H2AC15: variants seen among roughly 807,000 people sequenced by gnomAD.
The protein encoded by H2AC15 is histone H2A type 1.
In H2AC15, 7 loss-of-function variants were observed where a neutral mutation model predicts 7.8. The ratio of observed to expected loss-of-function variants is 0.90; its 90% CI spans 0.51 to 1.69. The LOEUF is 1.69. Among genes scored for constraint, H2AC15 ranks in the 40% most tolerant of loss-of-function variants. H2AC15 has a pLI of 0.00. For missense variants in H2AC15, 234 were observed against 174.7 expected (o/e 1.34, Z -1.91); for synonymous variants, 125 against 79.3 (o/e 1.58, Z -3.06).
In H2AC15 at chr6:27,837,919, G is replaced by C; in HGVS notation, c.*28C>G. On this transcript the variant is annotated 3_prime_UTR_variant, in exon 1 of 1. Transcript: ENST00000618958. ...AAGAACCTTTTTGGTTTGGACCGAG[G>C]TATGAGTAATGAACTGCTCCAGCCC... 6.2e-7 allele frequency: 1 copy of C among 1,610,308 alleles called. No individual in the cohort carries two copies. The highest frequency in any genetic ancestry group is 8.5e-7 in the Non-Finnish European group (1 of 1,177,520).
chr6:27,838,103 G>T lies in H2AC15; in HGVS notation c.237C>A (p.Ile79=). 1 of 1,614,190 alleles carries T rather than the reference G, an allele frequency of 6.2e-7. No homozygotes were observed. The highest frequency in any genetic ancestry group is 8.5e-7 in the Non-Finnish European group (1 of 1,180,038). Residue 79 remains isoleucine, a synonymous_variant, in exon 1 of 1, where the codon ATC becomes ATA. Transcript: ENST00000618958. The part of the protein sequence containing the change: ...NAARDNKKTR[I]IPRHLQLAIR... ...TGGCCAGCTGCAAGTGGCGCGGGAT[G>T]ATGCGGGTCTTCTTGTTGTCGCGGG...
At position 27,838,078 on chromosome 6, in the gene H2AC15, T is replaced by C. The variant is rs551039045; in HGVS notation, c.262A>G (p.Ile88Val). 3 of 1,614,228 alleles carry C rather than the reference T, an allele frequency of 1.9e-6. No homozygotes were observed. The African/African-American group carries it at 4.0e-5, about 22-fold the overall frequency. ...TTGTTGAGCTCCTCGTCGTTGCGGATGGCCAGCTGCAAGTGGCGCGGGATG... is the reference window on the plus strand; with the variant it reads ...TTGTTGAGCTCCTCGTCGTTGCGGACGGCCAGCTGCAAGTGGCGCGGGATG... ...RIIPRHLQLA[I>V]RNDEELNKLL... is the part of the protein sequence containing the mutation. Residue 88 changes from isoleucine to valine, a missense_variant, in exon 1 of 1, where the codon ATC becomes GTC. Coordinates refer to ENST00000618958, the MANE Select transcript of H2AC15 (RefSeq NM_003510.3).
rs1761061897 is a variant in H2AC15, at chr6:27,838,060, G to A, written c.280C>T (p.Leu94Phe). Residue 94 changes from leucine (L) to phenylalanine (F), a missense_variant, in exon 1 of 1, where the codon CTC becomes TTC. Transcript: ENST00000618958. The part of the protein sequence containing the change: ...LQLAIRNDEE[L>F]NKLLGKVTIA... ...GTCACTTTACCAAGCAGCTTGTTGA[G>A]CTCCTCGTCGTTGCGGATGGCCAGC... is the stretch of plus-strand genomic sequence containing the variant. The A allele has an allele frequency of 6.2e-7, 1 of 1,614,088 alleles. No individual in the cohort carries two copies. Among genetic ancestry groups the A allele is most frequent in the African/African-American group, 1.3e-5 (1 of 74,932 alleles).
In H2AC15 at chr6:27,837,988, G is replaced by C; in HGVS notation, c.352C>G (p.Pro118Ala). 1 of 1,614,220 alleles carries C rather than the reference G, an allele frequency of 6.2e-7. No homozygotes were observed. The highest frequency in any genetic ancestry group is 8.5e-7 in the Non-Finnish European group (1 of 1,180,038). Residue 118 changes from proline (P) to alanine (A), a missense_variant, in exon 1 of 1, where the codon CCT becomes GCT. Physicochemically the swap from Pro to Ala is conservative, Grantham distance 27 (BLOSUM62 -1). Coordinates refer to ENST00000618958, the MANE Select transcript of H2AC15 (RefSeq NM_003510.3). Reference protein sequence around the residue: ...VLPNIQAVLLPKKTESHHKAK... With the variant: ...VLPNIQAVLLAKKTESHHKAK... ...TTGTGGTGGCTCTCAGTTTTCTTAGGCAGCAGCACGGCCTGGATATTGGGC... is the reference window on the plus strand; with the variant it reads ...TTGTGGTGGCTCTCAGTTTTCTTAGCCAGCAGCACGGCCTGGATATTGGGC...
rs781765469 is a variant in H2AC15 at position 27,838,354 on chromosome 6, A to G, written c.-15T>C. The G allele has an allele frequency of 1.3e-6, 2 of 1,565,140 alleles. No homozygotes were observed. Among genetic ancestry groups the G allele is most frequent in the Non-Finnish European group, 1.7e-6 (2 of 1,156,018 alleles). ...CGTCCCGACATGACGTAAAAAATTC[A>G]ATCAGTAACGTTCCTGAGACTGACG... On this transcript the variant is annotated 5_prime_UTR_variant, in exon 1 of 1. Coordinates refer to ENST00000618958, the MANE Select transcript of H2AC15 (RefSeq NM_003510.3).
In H2AC15 at chr6:27,838,100, G is replaced by C. The variant is rs754461130; in HGVS notation, c.240C>G (p.Ile80Met). 2.0e-5 allele frequency: 33 copies of C among 1,614,084 alleles called. No homozygotes were observed. The highest frequency in any genetic ancestry group is 2.5e-5 in the Non-Finnish European group (30 of 1,180,060). The change falls in exon 1 of 1, where the codon ATC becomes ATG. Residue 80 changes from isoleucine to methionine, a missense_variant. Coordinates refer to ENST00000618958, the MANE Select transcript of H2AC15 (RefSeq NM_003510.3). The stretch of plus-strand genomic sequence containing the variant: ...GGATGGCCAGCTGCAAGTGGCGCGG[G>C]ATGATGCGGGTCTTCTTGTTGTCGC... ...AARDNKKTRI[I>M]PRHLQLAIRN...
In H2AC15 at chr6:27,838,351, T is replaced by C. The variant is rs990841304; in HGVS notation, c.-12A>G. On this transcript the variant is annotated 5_prime_UTR_variant, in exon 1 of 1. Coordinates refer to ENST00000618958, the MANE Select transcript of H2AC15 (RefSeq NM_003510.3). ...CCACGTCCCGACATGACGTAAAAAA[T>C]TCAATCAGTAACGTTCCTGAGACTG... 3.1e-5 allele frequency: 49 copies of C among 1,566,944 alleles called. No individual in the cohort carries two copies. The highest frequency in any genetic ancestry group is 9.5e-5 in the African/African-American group (7 of 73,454).
rs1462658081 is a variant in H2AC15 at position 27,838,369 on chromosome 6, T to C, written c.-30A>G. The C allele has an allele frequency of 1.3e-6, 2 of 1,551,556 alleles. No individual in the cohort carries two copies. The highest frequency in any genetic ancestry group is 2.0e-5 in the Admixed American group (1 of 50,722). ...TAAAAAATTCAATCAGTAACGTTCC[T>C]GAGACTGACGTAACGCTAAAGCTCC... On this transcript the variant is annotated 5_prime_UTR_variant, in exon 1 of 1. Transcript: ENST00000618958.
rs368785047 is a variant in H2AC15, at chr6:27,838,148, C to T, written c.192G>A (p.Leu64=). Reference sequence around the variant, plus strand: ...CGCGGGCCGCGTTGCCAGCCAGTTCCAGGATCTCGGCGGTTAGGTACTCCA... The same window carrying T: ...CGCGGGCCGCGTTGCCAGCCAGTTCTAGGATCTCGGCGGTTAGGTACTCCA... ...AVLEYLTAEI[L]ELAGNAARDN... Residue 64 remains leucine, a synonymous_variant, in exon 1 of 1, where the codon CTG becomes CTA. Coordinates refer to ENST00000618958, the MANE Select transcript of H2AC15 (RefSeq NM_003510.3). The T allele has an allele frequency of 9.3e-6, 15 of 1,614,050 alleles. No individual in the cohort carries two copies. The African/African-American group carries it at 1.7e-4, about 19-fold the overall frequency.
In H2AC15 at chr6:27,838,142, C is replaced by A; in HGVS notation, c.198G>T (p.Leu66=). ...LEYLTAEILE[L]AGNAARDNKK... ...TGTTGTCGCGGGCCGCGTTGCCAGC[C>A]AGTTCCAGGATCTCGGCGGTTAGGT... The change falls in exon 1 of 1, where the codon CTG becomes CTT. Residue 66 remains leucine, a synonymous_variant. Transcript: ENST00000618958. 2 of 1,614,194 alleles carry A rather than the reference C, an allele frequency of 1.2e-6. No homozygotes were observed. The highest frequency in any genetic ancestry group is 1.7e-6 in the Non-Finnish European group (2 of 1,180,034).
rs1299434685 is a variant in H2AC15 at position 27,838,168 on chromosome 6, A to C, written c.172T>G (p.Tyr58Asp). 6.2e-7 allele frequency: 1 copy of C among 1,613,846 alleles called. No homozygotes were observed. Among genetic ancestry groups the C allele is most frequent in the Non-Finnish European group, 8.5e-7 (1 of 1,179,948 alleles). ...AGTTCCAGGATCTCGGCGGTTAGGT[A>C]CTCCAACACCGCCGCCAGGTACACC... Reference protein sequence around the residue: ...APVYLAAVLEYLTAEILELAG... With the variant: ...APVYLAAVLEDLTAEILELAG... The change falls in exon 1 of 1, where the codon TAC (tyrosine) becomes GAC (aspartate). Residue 58 changes from tyrosine to aspartate, a missense_variant. Tyr to Asp is a radical substitution (Grantham distance 160). Transcript: ENST00000618958.
rs751966129 is a variant in H2AC15, at chr6:27,838,252, G to C, written c.88C>G (p.Arg30Gly). ...SRAGLQFPVG[R>G]VHRLLRKGNY... ...CCCTTGCGGAGCAGTCGGTGCACTC[G>C]GCCCACTGGGAACTGAAGACCCGCC... The change falls in exon 1 of 1, where the codon CGA becomes GGA. Residue 30 changes from arginine (R) to glycine (G), a missense_variant. Arg to Gly is a moderately radical substitution (Grantham distance 125, BLOSUM62 -2). Transcript: ENST00000618958. 1 of 1,613,720 alleles carries C rather than the reference G, an allele frequency of 6.2e-7. No individual in the cohort carries two copies. The highest frequency in any genetic ancestry group is 1.3e-5 in the African/African-American group (1 of 74,862).
At position 27,838,314 on chromosome 6, in the gene H2AC15, C is replaced by G. The variant is rs1295730368; in HGVS notation, c.26G>C (p.Gly9Ala). 2.5e-6 allele frequency: 4 copies of G among 1,593,788 alleles called. No homozygotes were observed. Among genetic ancestry groups the G allele is most frequent in the Non-Finnish European group, 3.4e-6 (4 of 1,168,502 alleles). The change falls in exon 1 of 1, where the codon GGC becomes GCC. Residue 9 changes from glycine (G) to alanine (A), a missense_variant. Transcript: ENST00000618958. ...GGTCTTAGCCTTGGCGCGAGCTTTG[C>G]CGCCCTGCTTGCCACGTCCCGACAT... Reference protein sequence around the residue: MSGRGKQGGKARAKAKTRS... With the variant: MSGRGKQGAKARAKAKTRS...
chr6:27,838,280 T>C lies in H2AC15; in HGVS notation c.60A>G (p.Ser20=), dbSNP rs1761072711. ...KARAKAKTRS[S]RAGLQFPVGR... is the part of the protein sequence containing the mutation. ...CCACTGGGAACTGAAGACCCGCCCT[T>C]GAAGAACGGGTCTTAGCCTTGGCGC... Residue 20 remains serine (S), a synonymous_variant, in exon 1 of 1, where the codon TCA becomes TCG. Transcript: ENST00000618958. 6.2e-7 allele frequency: 1 copy of C among 1,612,406 alleles called. No individual in the cohort carries two copies. The highest frequency in any genetic ancestry group is 1.3e-5 in the African/African-American group (1 of 74,854).
rs758513815 is a variant in H2AC15 at position 27,838,349 on chromosome 6, A to C, written c.-10T>G. ...TGCCACGTCCCGACATGACGTAAAA[A>C]ATTCAATCAGTAACGTTCCTGAGAC... On this transcript the variant is annotated 5_prime_UTR_variant, in exon 1 of 1. It adds an upstream start codon to the 5' untranslated region. Coordinates refer to ENST00000618958, the MANE Select transcript of H2AC15 (RefSeq NM_003510.3). The C allele has an allele frequency of 6.4e-7, 1 of 1,568,446 alleles. No homozygotes were observed. Among genetic ancestry groups the C allele is most frequent in the Non-Finnish European group, 8.6e-7 (1 of 1,157,506 alleles).
chr6:27,838,063 C>T lies in H2AC15; in HGVS notation c.277G>A (p.Glu93Lys). The T allele has an allele frequency of 1.9e-6, 3 of 1,614,216 alleles. No individual in the cohort carries two copies. The highest frequency in any genetic ancestry group is 2.2e-5 in the East Asian group (1 of 44,882). The change falls in exon 1 of 1, where the codon GAG (glutamate) becomes AAG (lysine). Residue 93 changes from glutamate (E) to lysine (K), a missense_variant. Transcript: ENST00000618958. ...HLQLAIRNDE[E>K]LNKLLGKVTI... is the part of the protein sequence containing the mutation. The stretch of plus-strand genomic sequence containing the variant: ...ACTTTACCAAGCAGCTTGTTGAGCT[C>T]CTCGTCGTTGCGGATGGCCAGCTGC...
chr6:27,838,218 G>A lies in H2AC15; in HGVS notation c.122C>T (p.Ala41Val), dbSNP rs1761070880. The A allele has an allele frequency of 2.5e-6, 4 of 1,613,932 alleles. No homozygotes were observed. In the African/African-American group the frequency reaches 4.0e-5, roughly 16 times the overall value. Residue 41 changes from alanine (A) to valine (V), a missense_variant, in exon 1 of 1, where the codon GCT becomes GTT. Transcript: ENST00000618958. ...VHRLLRKGNY[A>V]ERVGAGAPVY... is the part of the protein sequence containing the mutation. ...CGGCGCTCCGGCACCGACCCGCTCAGCGTAGTTGCCCTTGCGGAGCAGTCG... is the reference window on the plus strand; with the variant it reads ...CGGCGCTCCGGCACCGACCCGCTCAACGTAGTTGCCCTTGCGGAGCAGTCG...
In H2AC15 at chr6:27,838,330, G is replaced by A. The variant is rs376295234; in HGVS notation, c.10C>T (p.Arg4Cys). MSG[R>C]GKQGGKARAK... ...CGAGCTTTGCCGCCCTGCTTGCCAC[G>A]TCCCGACATGACGTAAAAAATTCAA... The change falls in exon 1 of 1, where the codon CGT becomes TGT. Residue 4 changes from arginine to cysteine, a missense_variant. By Grantham distance (180) the Arg-to-Cys change is radical (BLOSUM62 -3). Coordinates refer to ENST00000618958, the MANE Select transcript of H2AC15 (RefSeq NM_003510.3). 6.3e-6 allele frequency: 10 copies of A among 1,580,642 alleles called. No homozygotes were observed. Among genetic ancestry groups the A allele is most frequent in the African/African-American group, 1.4e-5 (1 of 73,776 alleles).
At position 27,838,202 on chromosome 6, in the gene H2AC15, G is replaced by A. The variant is rs1761070225; in HGVS notation, c.138C>T (p.Ala46=). The change falls in exon 1 of 1, where the codon GCC becomes GCT. Residue 46 remains alanine, a synonymous_variant. Transcript: ENST00000618958. The part of the protein sequence containing the change: ...RKGNYAERVG[A]GAPVYLAAVL... ...CCGCCGCCAGGTACACCGGCGCTCC[G>A]GCACCGACCCGCTCAGCGTAGTTGC... 5 of 1,613,984 alleles carry A rather than the reference G, an allele frequency of 3.1e-6. No individual in the cohort carries two copies. The highest frequency in any genetic ancestry group is 4.2e-6 in the Non-Finnish European group (5 of 1,180,012).
Sources: gnomAD v4.1 joint callset for allele counts on GRCh38, gnomAD v4.1.1 for gene constraint, MANE v1.5 for transcripts, NCBI Gene and HGNC (gene_info 2026-07-23, HGNC 2026-07-21) for gene names.